VPS13D: variants seen among roughly 807,000 people sequenced by gnomAD.
The protein encoded by VPS13D is intermembrane lipid transfer protein VPS13D.
A neutral mutation model predicts 461.9 loss-of-function variants in VPS13D; 187 were observed. That is an observed-to-expected ratio of 0.40 (90% confidence interval 0.36 to 0.46). The LOEUF is 0.46. Among genes scored for constraint, VPS13D ranks in the 20% least tolerant of loss-of-function variants. The pLI is 0.60. For synonymous variants in VPS13D, 1,951 were observed against 1,986.3 expected (o/e 0.98, Z 0.47); for missense variants, 4,711 against 5,364.9 (o/e 0.88, Z 3.81).
intron 67 of VPS13D, among the ~76,000 whole-genome samples, chr1:12,486,229 A>G (rs1247529157): frequency 1.3e-5 from 2 of 152,200 alleles, no homozygotes; most frequent in African/African-American, 4.8e-5. Context: ...AAGCTCAGCC[A>G]TAGGTTACAT....
chr1:12,499,956 T>C, intron 68 of VPS13D: 3 of 985,402 alleles, frequency 3.0e-6, no homozygotes, highest in Non-Finnish European at 3.6e-6. Flanking sequence ...ACCTAATTAT[T>C]TGCGTATTTC....
intron 59 of VPS13D, among the ~76,000 whole-genome samples, chr1:12,385,770 C>T (rs369620828): frequency 6.6e-6 from 1 of 152,210 alleles, no homozygotes; most frequent in South Asian, 2.1e-4. Flanking sequence ...ATTTATCTGA[C>T]GTTTATTCAG....
intron 16 of VPS13D, among the ~76,000 whole-genome samples, chr1:12,270,217 G>C (rs1641396802): frequency 6.6e-6 from 1 of 151,988 alleles, no homozygotes; most frequent in South Asian, 2.1e-4. Flanking sequence ...AGCACTTTGG[G>C]AGGCTGAGGC....
At position 12,276,911 on chromosome 1, in the gene VPS13D, A is replaced by G; in HGVS notation, c.3323A>G (p.Asn1108Ser). 1 of 1,614,202 alleles carries G rather than the reference A, an allele frequency of 6.2e-7. No homozygotes were observed. The highest frequency in any genetic ancestry group is 8.5e-7 in the Non-Finnish European group (1 of 1,180,028). Residue 1108 changes from asparagine (N) to serine (S), a missense_variant, in exon 19 of 70, where the codon AAT becomes AGT. Around this residue, in one of 3 missense-constraint regions of VPS13D, gnomAD observed 4,411 missense variants for 4,937.8 expected, o/e 0.89. Coordinates refer to ENST00000620676, the MANE Select transcript of VPS13D (RefSeq NM_015378.4). This position sits in a 1 kb window ranked among gnomAD's most constrained non-coding sequence, Gnocchi z 4.5. ...STLQVISLQV[N>S]NLDIILNPET... ...CTTCAGGTGATTTCCCTACAGGTGA[A>G]TAATTTAGATATTATCCTCAATCCA...
intron 67 of VPS13D, among the ~76,000 whole-genome samples, chr1:12,467,654 C>A (rs1257994453): frequency 6.6e-6 from 1 of 152,300 alleles, no homozygotes; most frequent in East Asian, 1.9e-4. Context: ...CTCATTATAA[C>A]ATAACTTATG....
chr1:12,261,206 A>G lies in VPS13D; in HGVS notation c.1414+57A>G, dbSNP rs1641098134. 1.9e-6 allele frequency: 3 copies of G among 1,588,678 alleles called. No homozygotes were observed. The East Asian group carries it at 6.7e-5, about 36-fold the overall frequency. On this transcript the variant is annotated intron_variant, in intron 12 of 69. Coordinates refer to ENST00000620676, the MANE Select transcript of VPS13D (RefSeq NM_015378.4). ...AACAAATTCGTCTGTTATTTGTGCA[A>G]CAGCTTGTGGTATTTTTCAAATTTA... is the stretch of plus-strand genomic sequence containing the variant.
At chr1:12,399,008 G>A (rs959926704) in intron 60 of VPS13D, among the ~76,000 whole-genome samples, 1 of 152,142 alleles carries the variant, frequency 6.6e-6, no homozygotes, top group African/African-American at 2.4e-5. Flanking sequence ...TCATGAAGTT[G>A]TCATAAGGAT....
chr1:12,272,935 G>A (rs942974061), intron 17 of VPS13D, 68 bp from the exon 18 acceptor site: 1 of 1,569,990 alleles, frequency 6.4e-7, no homozygotes, highest in Non-Finnish European at 8.6e-7. Flanking sequence ...TTCCAGAAAT[G>A]CTTGAGCACC....
At chr1:12,479,952 A>G (rs1461150691) in intron 67 of VPS13D, among the ~76,000 whole-genome samples, 6 of 152,202 alleles carry the variant, frequency 3.9e-5, no homozygotes, top group East Asian at 1.9e-4. Context: ...GGGATATACT[A>G]TAGCTGGGAA....
chr1:12,333,296 T>C lies in VPS13D; in HGVS notation c.8358T>C (p.His2786=). 5.6e-6 allele frequency: 9 copies of C among 1,614,144 alleles called. No homozygotes were observed. The highest frequency in any genetic ancestry group is 7.6e-6 in the Non-Finnish European group (9 of 1,179,990). Residue 2786 remains histidine (H), a synonymous_variant, in exon 38 of 70, where the codon CAT becomes CAC. Transcript: ENST00000620676. ...AACAGCAGGCAGCTAGTCGTCTCCA[T>C]CCTCCTCGACTGAAGCTAGAAGCCA... is the stretch of plus-strand genomic sequence containing the variant. ...SWQQQAASRL[H]PPRLKLEAKA...
chr1:12,420,689 A>C (rs1276245029), intron 65 of VPS13D, among the ~76,000 whole-genome samples: 3 of 152,076 alleles, frequency 2.0e-5, no homozygotes, highest in Admixed American at 2.0e-4. Context: ...CATTGAGGGG[A>C]GCTTGGGGCT....
At chr1:12,437,623 A>G (rs1363722960) in intron 65 of VPS13D, among the ~76,000 whole-genome samples, 2 of 151,914 alleles carry the variant, frequency 1.3e-5, no homozygotes. Flanking sequence ...CATCCATTCC[A>G]ATGAGTAGAT....
At chr1:12,479,269 G>A (rs1408469913) in intron 67 of VPS13D, among the ~76,000 whole-genome samples, 1 of 152,334 alleles carries the variant, frequency 6.6e-6, no homozygotes, top group East Asian at 1.9e-4. Flanking sequence ...GAAAGTGGGC[G>A]AAGGGGTAGT....
chr1:12,294,955 G>A (rs906909039), intron 24 of VPS13D, among the ~76,000 whole-genome samples: 1 of 152,034 alleles, frequency 6.6e-6, no homozygotes, highest in Non-Finnish European at 1.5e-5. Context: ...AGGCGTGGTG[G>A]CTCACACCTG....
intron 19 of VPS13D, among the ~76,000 whole-genome samples, chr1:12,278,547 TTACAAG>T (rs1326408373): frequency 6.6e-6 from 1 of 152,220 alleles, no homozygotes; most frequent in Non-Finnish European, 1.5e-5. Context: ...AGTGTTGGGA[TTACAAG>T]TGTGACCAGC....
At position 12,310,270 on chromosome 1, in the gene VPS13D, C is replaced by T. The variant is rs74698519; in HGVS notation, c.6651-1184C>T. 1.5e-3 allele frequency among the ~76,000 whole-genome samples: 225 copies of T among 152,244 alleles called. 2 individuals are homozygous for T. The highest frequency in any genetic ancestry group is 5.1e-3 in the African/African-American group (211 of 41,542). On this transcript the variant is annotated intron_variant, in intron 27 of 69. Coordinates refer to ENST00000620676, the MANE Select transcript of VPS13D (RefSeq NM_015378.4). Reference sequence around the variant, plus strand: ...CAACCCGAGATGGCACTTGGTCAGCCGTCTCTGTTTTTCTTTGTTATTGCA... The same window carrying T: ...CAACCCGAGATGGCACTTGGTCAGCTGTCTCTGTTTTTCTTTGTTATTGCA...
intron 7 of VPS13D, among the ~76,000 whole-genome samples, chr1:12,255,727 C>T (rs1320124668): frequency 6.6e-6 from 1 of 151,036 alleles, no homozygotes; most frequent in Non-Finnish European, 1.5e-5. Context: ...CCCATCTGTA[C>T]TAAAAATAAA....
At chr1:12,468,905 G>A (rs1262270527) in intron 67 of VPS13D, among the ~76,000 whole-genome samples, 5 of 151,902 alleles carry the variant, frequency 3.3e-5, no homozygotes, top group Non-Finnish European at 7.4e-5. Flanking sequence ...ATGGTGGCAC[G>A]CGCCTGTGGT....
At chr1:12,434,759 G>A (rs1308964222) in intron 65 of VPS13D, among the ~76,000 whole-genome samples, 3 of 152,126 alleles carry the variant, frequency 2.0e-5, no homozygotes, top group South Asian at 2.1e-4. Context: ...TTCCACATAA[G>A]CTTGTCTGTG....
Sources: allele counts gnomAD v4.1 joint callset (sites outside exome capture counted in the v4.1 genomes callset), GRCh38; gene constraint gnomAD v4.1.1; regional missense constraint gnomAD v4.1.1; non-coding constraint Gnocchi (gnomAD v3.1); transcripts MANE v1.5; gene names NCBI Gene and HGNC (gene_info 2026-07-23, HGNC 2026-07-21).